The following CPM variants were observed in gnomAD, a reference collection of about 807,000 sequenced individuals.
CPM encodes the protein renal carboxypeptidase.
Under a neutral mutation model 46.4 loss-of-function variants are expected in CPM, and 35 were observed. The observed-to-expected ratio is 0.75, with a 90% CI of 0.58 to 1.00. CPM has a LOEUF of 1.00. Among genes scored for constraint, CPM ranks in the 50% least tolerant of loss-of-function variants. The pLI is 0.00. For missense variants in CPM, 422 were observed against 530.4 expected (o/e 0.80, Z 2.01); for synonymous variants, 195 against 195.3 (o/e 1.00, Z 0.01).
At chr12:68,889,816 G>T (rs1886581408) in intron 2 of CPM, among the ~76,000 whole-genome samples, 1 of 152,198 alleles carries the variant, frequency 6.6e-6, no homozygotes, top group Admixed American at 6.5e-5. Context: ...ACTTGTGTCA[G>T]CAGCGTGTGT....
chr12:68,914,226 G>A (rs1474659417), intron 2 of CPM, among the ~76,000 whole-genome samples: 1 of 152,138 alleles, frequency 6.6e-6, no homozygotes, highest in African/African-American at 2.4e-5. Flanking sequence ...AGAGCACAAG[G>A]CCAGTCATTA....
At chr12:68,924,709 A>G (rs1350924216) in intron 2 of CPM, among the ~76,000 whole-genome samples, 1 of 152,176 alleles carries the variant, frequency 6.6e-6, no homozygotes, top group East Asian at 1.9e-4. Flanking sequence ...TTTGCATCAC[A>G]ATAGGCATTT....
intron 1 of CPM, among the ~76,000 whole-genome samples, chr12:68,944,885 C>T (rs1403207325): frequency 6.6e-6 from 1 of 151,582 alleles, no homozygotes; most frequent in Admixed American, 6.6e-5. Flanking sequence ...GGAAAAAAAT[C>T]ATAGGGGTGT....
chr12:68,846,251 C>T (rs1884289929), downstream of CPM: 1 of 150,384 alleles, frequency 6.6e-6, no homozygotes, highest in African/African-American at 2.5e-5. Flanking sequence ...CCGTGCCCGG[C>T]CTAATTTTTG....
At chr12:68,932,871 A>C in intron 1 of CPM, 31 bp from the exon 2 acceptor site, 1 of 1,606,924 alleles carries the variant, frequency 6.2e-7, no homozygotes, top group East Asian at 2.2e-5. Context: ...GAAGAACCTG[A>C]GAACACATGA....
chr12:68,948,341 C>CT (rs1470190200), intron 1 of CPM, among the ~76,000 whole-genome samples: 2 of 152,036 alleles, frequency 1.3e-5, no homozygotes, highest in Non-Finnish European at 2.9e-5. Flanking sequence ...AGATGAGGGC[C>CT]TGAGGGGGTA....
At chr12:68,955,188 G>A (rs1395058764) in intron 1 of CPM, among the ~76,000 whole-genome samples, 2 of 152,172 alleles carry the variant, frequency 1.3e-5, no homozygotes, top group Admixed American at 6.5e-5. Flanking sequence ...CAAAGGTGCC[G>A]CCAGCCACAG....
chr12:68,878,277 A>G (rs1203856176), intron 3 of CPM, among the ~76,000 whole-genome samples: 1 of 152,246 alleles, frequency 6.6e-6, no homozygotes, highest in African/African-American at 2.4e-5. Flanking sequence ...CTTTGAAACA[A>G]AGATGATAAT....
At chr12:68,883,972 T>G (rs1283823682) in intron 3 of CPM, among the ~76,000 whole-genome samples, 2 of 148,662 alleles carry the variant, frequency 1.3e-5, no homozygotes, top group Admixed American at 1.3e-4. Context: ...TAGCTGGGCA[T>G]AGTGGTGCAT....
In CPM at chr12:68,856,181, T is replaced by C. The variant is rs1050439885; in HGVS notation, c.*256A>G. On this transcript the variant is annotated 3_prime_UTR_variant, in exon 9 of 9. Transcript: ENST00000551568. ...ACTTCTTACACATTTTAAGACTACT[T>C]CAAGATTAATTTGAGTGTAAATGAG... 18 of 434,244 alleles carry C rather than the reference T, an allele frequency of 4.1e-5. No homozygotes were observed. Among genetic ancestry groups the C allele is most frequent in the South Asian group, 9.8e-5 (2 of 20,414 alleles). The allele number at this position is 434,244 out of a possible 1,614,324, so 26.9% of individuals were successfully genotyped here.
chr12:68,959,116 T>C (rs140520307), intron 1 of CPM, among the ~76,000 whole-genome samples: 82 of 152,310 alleles, frequency 5.4e-4, no homozygotes, highest in Non-Finnish European at 1.0e-3. Context: ...ATTTTCTCCT[T>C]ATTTATACAT....
chr12:68,900,465 A>G (rs1887066720), intron 2 of CPM, among the ~76,000 whole-genome samples: 1 of 152,232 alleles, frequency 6.6e-6, no homozygotes, highest in Non-Finnish European at 1.5e-5. Flanking sequence ...TTTGGAAAGC[A>G]GTTTGCAAGT....
At chr12:68,913,958 A>G (rs1215810464) in intron 2 of CPM, 14 of 719,384 alleles carry the variant, frequency 1.9e-5, no homozygotes, top group Non-Finnish European at 3.4e-5. Context: ...CAGAATATCA[A>G]ATTTGTGTTT....
At chr12:68,946,108 C>T (rs916885916) in intron 1 of CPM, among the ~76,000 whole-genome samples, 1 of 152,018 alleles carries the variant, frequency 6.6e-6, no homozygotes, top group Non-Finnish European at 1.5e-5. Context: ...CATCCTCCTG[C>T]CTCGGCCTCT....
downstream of CPM, chr12:68,846,382 A>C (rs906002001): frequency 6.6e-5 from 10 of 152,146 alleles, no homozygotes; most frequent in African/African-American, 2.4e-4. Flanking sequence ...CCACCACGCC[A>C]AGCCCAAAAT....
chr12:68,947,791 T>G (rs1473732284), intron 1 of CPM, among the ~76,000 whole-genome samples: 1 of 152,006 alleles, frequency 6.6e-6, no homozygotes, highest in Non-Finnish European at 1.5e-5. Context: ...ACTACAGGTG[T>G]GTGCCACCAT....
rs1231035724 is a variant in CPM, at chr12:68,961,345, A to G, written c.-4+1824T>C. On this transcript the variant is annotated intron_variant, in intron 1 of 8. Coordinates refer to the CPM transcript ENST00000546373. ...TTTTTTGTAAAGATGGAGTTTTGCC[A>G]TGTTGCCCAGGCTGGTCTTGAACTC... is the stretch of plus-strand genomic sequence containing the variant. 2.6e-5 allele frequency among the ~76,000 whole-genome samples: 4 copies of G among 152,178 alleles called. No individual in the cohort carries two copies. The East Asian group carries it at 7.7e-4, about 29-fold the overall frequency.
intron 1 of CPM, among the ~76,000 whole-genome samples, chr12:68,954,518 A>C (rs1046395674): frequency 1.3e-5 from 2 of 152,012 alleles, no homozygotes; most frequent in Non-Finnish European, 2.9e-5. Flanking sequence ...TCCTTCCCCA[A>C]GTGAGGGCCT....
intron 7 of CPM, among the ~76,000 whole-genome samples, chr12:68,864,227 C>T (rs755966074): frequency 1.2e-4 from 18 of 152,110 alleles, no homozygotes; most frequent in Non-Finnish European, 1.9e-4. Flanking sequence ...GGCGGATCAC[C>T]TGAGGTCAGG....
Sources: gnomAD v4.1 joint callset for allele counts (sites outside exome capture counted in the v4.1 genomes callset) on GRCh38, gnomAD v4.1.1 for gene constraint, MANE v1.5 for transcripts, NCBI Gene and HGNC (gene_info 2026-07-23, HGNC 2026-07-21) for gene names.